The following PSPC1 variants were observed in gnomAD, a reference collection of about 807,000 sequenced individuals.
The protein encoded by PSPC1 is paraspeckle protein 1.
In PSPC1, 14 loss-of-function variants were observed where a neutral mutation model predicts 51.6. That is an observed-to-expected ratio of 0.27 (90% CI 0.18 to 0.42). The LOEUF is 0.42. PSPC1 is among the 10% of genes least tolerant of loss of function. PSPC1 has a pLI of 1.00. For synonymous variants in PSPC1, 193 were observed against 231.9 expected, an observed-to-expected ratio of 0.83 and a Z score of 1.53; for missense variants, 406 against 701.1, an observed-to-expected ratio of 0.58 and a Z score of 4.75.
rs140647296 is a variant in PSPC1 at position 19,724,667 on chromosome 13, A to G, written c.1158+5572T>C. On this transcript the variant is annotated intron_variant, in intron 6 of 8. Transcript: ENST00000338910. Reference sequence around the variant, plus strand: ...CAGGAGTTCGAGACCAGCCTGACCAACATGGTGAAACCCCATCTCTACCAA... The same window carrying G: ...CAGGAGTTCGAGACCAGCCTGACCAGCATGGTGAAACCCCATCTCTACCAA... 3.7e-3 allele frequency among the ~76,000 whole-genome samples: 564 copies of G among 152,322 alleles called. 1 individual carries two copies. Among genetic ancestry groups the G allele is most frequent in the African/African-American group, 0.013 (521 of 41,568 alleles).
chr13:19,723,840 A>AT (rs972411139), intron 6 of PSPC1, among the ~76,000 whole-genome samples: 3 of 152,270 alleles, frequency 2.0e-5, no homozygotes, highest in African/African-American at 7.2e-5. Context: ...AAGTAAAAAC[A>AT]TTAACAACCG....
intron 1 of PSPC1, among the ~76,000 whole-genome samples, chr13:19,774,572 G>A (rs1888911233): frequency 6.6e-6 from 1 of 152,068 alleles, no homozygotes; most frequent in Admixed American, 6.6e-5. Context: ...GGCTGAGGCA[G>A]GTAGATCACT....
At chr13:19,726,047 T>C (rs1883326949) in intron 6 of PSPC1, among the ~76,000 whole-genome samples, 1 of 152,022 alleles carries the variant, frequency 6.6e-6, no homozygotes, top group Non-Finnish European at 1.5e-5. Context: ...CCCAGCTACT[T>C]GGGAGGCTGA....
At chr13:19,686,995 G>A (rs866652276) in intron 6 of PSPC1, among the ~76,000 whole-genome samples, 1 of 151,994 alleles carries the variant, frequency 6.6e-6, no homozygotes, top group Non-Finnish European at 1.5e-5. Flanking sequence ...TCGGGAGTTC[G>A]AGACCAGCCT....
intron 3 of PSPC1, among the ~76,000 whole-genome samples, chr13:19,752,938 TC>T (rs1886708734): frequency 6.6e-6 from 1 of 152,016 alleles, no homozygotes; most frequent in Non-Finnish European, 1.5e-5. Flanking sequence ...TTTGGGTTTT[TC>T]TGAGATAGGG....
At chr13:19,734,539 C>A (rs565513052) in intron 5 of PSPC1, among the ~76,000 whole-genome samples, 1 of 152,278 alleles carries the variant, frequency 6.6e-6, no homozygotes, top group African/African-American at 2.4e-5. Context: ...CACTGGCTCA[C>A]GCCTGTAATC....
rs567394549 is a variant in PSPC1 at position 19,706,640 on chromosome 13, A to G, written c.1217-809T>C. Among the ~76,000 whole-genome samples the G allele has an allele frequency of 2.6e-5, 4 of 152,268 alleles. No homozygotes were observed. In the East Asian group the frequency reaches 5.8e-4, roughly 22 times the overall value. ...TTTGCACTGTAATACTACATATATGATGATCTCAGATACAACACATTTTTA... is the reference window on the plus strand; with the variant it reads ...TTTGCACTGTAATACTACATATATGGTGATCTCAGATACAACACATTTTTA... On this transcript the variant is annotated intron_variant, in intron 7 of 8. Transcript: ENST00000338910.
chr13:19,701,140 TTAA>T (rs1412866161), downstream of PSPC1, among the ~76,000 whole-genome samples: 1 of 152,010 alleles, frequency 6.6e-6, no homozygotes, highest in African/African-American at 2.4e-5. Flanking sequence ...GTTCAGGAGA[TTAA>T]GACATCTTTT....
chr13:19,676,800 A>T (rs1876686588), intron 7 of PSPC1, among the ~76,000 whole-genome samples: 1 of 152,216 alleles, frequency 6.6e-6, no homozygotes, highest in Non-Finnish European at 1.5e-5. Flanking sequence ...ATGACAATGT[A>T]CCCATGGGAA....
chr13:19,766,528 T>TA (rs1005290724), intron 2 of PSPC1, among the ~76,000 whole-genome samples: 1 of 151,166 alleles, frequency 6.6e-6, no homozygotes, highest in African/African-American at 2.4e-5. Flanking sequence ...ATACAAAAAG[T>TA]AAAAAAATTA....
chr13:19,716,343 A>G (rs984205065), intron 6 of PSPC1, among the ~76,000 whole-genome samples: 7 of 152,182 alleles, frequency 4.6e-5, no homozygotes, highest in African/African-American at 1.7e-4. Context: ...GACCACCTAA[A>G]CTTGGGGATA....
chr13:19,687,172 G>A (rs1363860428), intron 6 of PSPC1, among the ~76,000 whole-genome samples: 1 of 152,126 alleles, frequency 6.6e-6, no homozygotes, highest in Non-Finnish European at 1.5e-5. Flanking sequence ...CTGCACTCCA[G>A]CCTGGGCAAC....
chr13:19,730,160 C>T, intron 6 of PSPC1, 79 bp downstream of exon 6: 1 of 1,273,068 alleles, frequency 7.9e-7, no homozygotes, highest in Non-Finnish European at 1.1e-6. Flanking sequence ...ACTGTATAAA[C>T]CAAAATCTAA....
chr13:19,741,952 C>CA (rs920735610), intron 4 of PSPC1, among the ~76,000 whole-genome samples: 2 of 151,548 alleles, frequency 1.3e-5, no homozygotes, highest in African/African-American at 4.8e-5. Flanking sequence ...GCCAACAAGG[C>CA]AAAACCCCAA....
At chr13:19,771,336 G>A (rs1033128908) in intron 2 of PSPC1, among the ~76,000 whole-genome samples, 4 of 151,892 alleles carry the variant, frequency 2.6e-5, no homozygotes, top group Admixed American at 1.3e-4. Flanking sequence ...ACAGGGTTTC[G>A]CCATTTGCCC....
intron 6 of PSPC1, among the ~76,000 whole-genome samples, chr13:19,694,858 T>C (rs901757125): frequency 6.6e-6 from 1 of 152,220 alleles, no homozygotes; most frequent in Non-Finnish European, 1.5e-5. Context: ...TCTCCTAAGA[T>C]AGCTATTTTC....
intron 1 of PSPC1, among the ~76,000 whole-genome samples, chr13:19,775,976 G>C (rs1040255897): frequency 1.3e-5 from 2 of 151,994 alleles, no homozygotes; most frequent in Non-Finnish European, 2.9e-5. Context: ...GTGTGAACAC[G>C]GGAGGCGGAA....
Position 19,759,420 on chromosome 13 carries a change from T to C in PSPC1, c.675-2A>G. 1 of 1,610,726 alleles carries C rather than the reference T, an allele frequency of 6.2e-7. No individual in the cohort carries two copies. The highest frequency in any genetic ancestry group is 8.5e-7 in the Non-Finnish European group (1 of 1,177,202). ...TCCACAATGACTGGACGAGGGGTCC[T>C]GGATAGGTATAAAAGCATTCATAAA... On this transcript the variant is annotated splice_acceptor_variant, in intron 2 of 8. Coordinates refer to ENST00000338910, the MANE Select transcript of PSPC1 (RefSeq NM_001354909.2). LOFTEE classifies it high-confidence loss of function.
chr13:19,678,142 CCTT>C (rs1267157893), intron 6 of PSPC1: 5 of 275,740 alleles, frequency 1.8e-5, no homozygotes, highest in East Asian at 2.2e-4. Context: ...CTAAGTCCCT[CCTT>C]ATTTCCACAG....
Sources: allele counts gnomAD v4.1 joint callset (sites outside exome capture counted in the v4.1 genomes callset), GRCh38; gene constraint gnomAD v4.1.1; transcripts MANE v1.5; gene names NCBI Gene and HGNC (gene_info 2026-07-23, HGNC 2026-07-21).